EVC2: variants seen among roughly 807,000 people sequenced by gnomAD.
The protein encoded by EVC2 is EvC ciliary complex subunit 2.
EVC2 carries 148 observed loss-of-function variants against 149.3 expected under a neutral mutation model. The observed-to-expected ratio is 0.99, with a 90% CI of 0.87 to 1.14. EVC2 has a LOEUF of 1.14. Ranked by LOEUF, EVC2 falls within the 50% of genes most tolerant of loss-of-function variation. EVC2 has a pLI of 0.00. For missense variants in EVC2, 1,854 were observed against 1,627.3 expected (o/e 1.14, Z -2.40); for synonymous variants, 776 against 649.9 (o/e 1.19, Z -2.95).
chr4:5,532,401 A>G, the EVC2 span, among the ~76,000 whole-genome samples: 1 of 152,198 alleles, frequency 6.6e-6, no homozygotes, highest in Non-Finnish European at 1.5e-5. Context: ...AAGCATCCAG[A>G]ATCATGCTGA....
At chr4:5,568,733 T>TC in intron 19 of EVC2, 93 bp from the exon 20 acceptor site, 2 of 1,341,824 alleles carry the variant, frequency 1.5e-6, no homozygotes, top group Non-Finnish European at 2.1e-6. Flanking sequence ...CATTCTGTCC[T>TC]GGAGTGATAA....
At position 5,640,050 on chromosome 4, in the gene EVC2, G is replaced by C. The variant is rs192796377; in HGVS notation, c.1470+464C>G. On this transcript the variant is annotated intron_variant, in intron 10 of 21. Coordinates refer to ENST00000344408, the MANE Select transcript of EVC2 (RefSeq NM_147127.5). The surrounding 1 kb of genome is among the most constrained non-coding windows in gnomAD (Gnocchi z 4.6). ...GTGATAATGGGCAGATGGGTGGACG[G>C]GTAGATGGAGGGGAAGCATGGGTGA... 1.3e-5 allele frequency among the ~76,000 whole-genome samples: 2 copies of C among 152,202 alleles called. No homozygotes were observed. Among genetic ancestry groups the C allele is most frequent in the South Asian group, 4.1e-4 (2 of 4,826 alleles).
Position 5,568,452 on chromosome 4 carries a change from G to A in EVC2, c.3549C>T (p.Gly1183=). ...SDGGAEQADV[G]RRRKHQSWWQ... ...CCCTCCACGGCACTCACCTCCGCCT[G>A]CCCACGTCGGCCTGCTCCGCTCCGC... The change falls in exon 20 of 22, where the codon GGC becomes GGT. Residue 1183 remains glycine (G), a synonymous_variant. Transcript: ENST00000344408. 1 of 1,558,090 alleles carries A rather than the reference G, an allele frequency of 6.4e-7. No homozygotes were observed. Among genetic ancestry groups the A allele is most frequent in the Non-Finnish European group, 8.6e-7 (1 of 1,158,754 alleles).
At position 5,623,001 on chromosome 4, in the gene EVC2, C is replaced by T. The variant is rs2108839481; in HGVS notation, c.2047-10G>A. On this transcript the variant is annotated splice_polypyrimidine_tract_variant and intron_variant, in intron 13 of 21. Transcript: ENST00000344408. Reference sequence around the variant, plus strand: ...TACGCTGCTCCCTGTGCTGGAGTTTCAGAAAAGAAAATTAAGTGGGGGTGG... The same window carrying T: ...TACGCTGCTCCCTGTGCTGGAGTTTTAGAAAAGAAAATTAAGTGGGGGTGG... 1 of 1,613,530 alleles carries T rather than the reference C, an allele frequency of 6.2e-7. No homozygotes were observed. The highest frequency in any genetic ancestry group is 1.7e-5 in the Admixed American group (1 of 60,018).
chr4:5,706,461 C>CATAGATAGATAG (rs1722201355), intron 1 of EVC2, among the ~76,000 whole-genome samples: 1 of 104,272 alleles, frequency 9.6e-6, no homozygotes. Flanking sequence ...TACATACATA[C>CATAGATAGATAG]ATACATACAT....
intron 9 of EVC2, among the ~76,000 whole-genome samples, chr4:5,642,202 G>C (rs1717383358): frequency 6.6e-6 from 1 of 152,120 alleles, no homozygotes; most frequent in Admixed American, 6.5e-5. Context: ...ATTTGGGTTG[G>C]TTCCAAGTCC....
intron 16 of EVC2, 38 bp downstream of exon 16, chr4:5,615,384 T>G (rs763243532): frequency 6.2e-7 from 1 of 1,613,898 alleles, no homozygotes; most frequent in South Asian, 1.1e-5. Context: ...CCCCGCCATG[T>G]GCAGAGAGAA....
intron 16 of EVC2, among the ~76,000 whole-genome samples, chr4:5,605,613 C>T (rs892432115): frequency 3.1e-4 from 47 of 152,318 alleles, no homozygotes; most frequent in African/African-American, 1.1e-3. Flanking sequence ...TTTGTGGAAT[C>T]GCTCAGATGT....
chr4:5,554,083 C>A (rs116816801), intron 21 of EVC2, among the ~76,000 whole-genome samples: 1 of 152,116 alleles, frequency 6.6e-6, no homozygotes, highest in African/African-American at 2.4e-5. Context: ...AAAGGAAACA[C>A]GCCACTTCCA....
chr4:5,691,808 CT>C (rs1466678523), intron 3 of EVC2, among the ~76,000 whole-genome samples: 3 of 152,226 alleles, frequency 2.0e-5, no homozygotes, highest in Non-Finnish European at 4.4e-5. Flanking sequence ...CCCACCAATG[CT>C]TGGCCTCCTC....
the EVC2 span, among the ~76,000 whole-genome samples, chr4:5,536,280 A>T: frequency 2.6e-5 from 4 of 152,124 alleles, no homozygotes; most frequent in African/African-American, 7.2e-5. Context: ...CACCCAAGAG[A>T]TATTTAAAGA....
intron 9 of EVC2, among the ~76,000 whole-genome samples, chr4:5,654,909 T>C (rs549183071): frequency 6.6e-6 from 1 of 152,326 alleles, no homozygotes; most frequent in Non-Finnish European, 1.5e-5. Context: ...CCCTGCACCA[T>C]GCTTCTCGGC....
intron 1 of EVC2, among the ~76,000 whole-genome samples, chr4:5,705,678 C>T (rs1577279968): frequency 6.6e-6 from 1 of 152,104 alleles, no homozygotes; most frequent in East Asian, 1.9e-4. Flanking sequence ...CTCAAATCTG[C>T]TTGTACATTA....
At position 5,699,691 on chromosome 4, in the gene EVC2, C is replaced by T. The variant is rs1313240037; in HGVS notation, c.229-2044G>A. ...AGAAAATTAGCCAGATGTAGTGGCA[C>T]ATGCCTATACTCCCAGCTACTTGGG... On this transcript the variant is annotated intron_variant, in intron 1 of 21. Transcript: ENST00000344408. Among the ~76,000 whole-genome samples, 4 of 150,670 alleles carry T rather than the reference C, an allele frequency of 2.7e-5. No individual in the cohort carries two copies. In the East Asian group the frequency reaches 7.7e-4, roughly 29 times the overall value.
chr4:5,589,620 C>G (rs1434270670), intron 16 of EVC2, among the ~76,000 whole-genome samples: 1 of 152,082 alleles, frequency 6.6e-6, no homozygotes, highest in East Asian at 1.9e-4. Context: ...GCCTGGAAAC[C>G]CTTTTAGGGC....
chr4:5,708,355 A>G lies in EVC2; in HGVS notation c.159T>C (p.Ala53=), dbSNP rs2151749984. 4.7e-6 allele frequency: 7 copies of G among 1,486,016 alleles called. No individual in the cohort carries two copies. Among genetic ancestry groups the G allele is most frequent in the African/African-American group, 1.5e-5 (1 of 68,314 alleles). The allele number at this position is 1,486,016 out of a possible 1,614,324, so 92.1% of individuals were successfully genotyped here. The change falls in exon 1 of 22, where the codon GCT becomes GCC. Residue 53 remains alanine (A), a synonymous_variant. Transcript: ENST00000344408. ...TCCTCAGGCCGGGCCCAGACCTAGGAGCCACCTGGGGATCCCGGGGTGGCT... is the reference window on the plus strand; with the variant it reads ...TCCTCAGGCCGGGCCCAGACCTAGGGGCCACCTGGGGATCCCGGGGTGGCT... ...GAQPPRDPQV[A]PRSGPGLRIP...
rs75860637 is a variant in EVC2, at chr4:5,627,531, G to A, written c.1886+1028C>T. Among the ~76,000 whole-genome samples, 15 of 152,308 alleles carry A rather than the reference G, an allele frequency of 9.8e-5. No homozygotes were observed. In the East Asian group the frequency reaches 2.9e-3, roughly 29 times the overall value. On this transcript the variant is annotated intron_variant, in intron 12 of 21. Transcript: ENST00000344408. The stretch of plus-strand genomic sequence containing the variant: ...AAAGTCCCAACAAGGTTACCTAGTA[G>A]CGGAACCACAGTAAAACAACAGATT...
chr4:5,597,123 A>T (rs1425689233), intron 16 of EVC2, among the ~76,000 whole-genome samples: 1 of 152,240 alleles, frequency 6.6e-6, no homozygotes, highest in Non-Finnish European at 1.5e-5. Flanking sequence ...TCACAGCCGA[A>T]TTCTACCAGA....
intron 9 of EVC2, among the ~76,000 whole-genome samples, chr4:5,652,141 G>A (rs1338168082): frequency 6.6e-6 from 1 of 152,202 alleles, no homozygotes; most frequent in Non-Finnish European, 1.5e-5. Context: ...GACGGTTAGG[G>A]ATGGACGTGA....
Sources: allele counts gnomAD v4.1 joint callset (sites outside exome capture counted in the v4.1 genomes callset), GRCh38; gene constraint gnomAD v4.1.1; non-coding constraint Gnocchi (gnomAD v3.1); transcripts MANE v1.5; gene names NCBI Gene and HGNC (gene_info 2026-07-23, HGNC 2026-07-21).